The following PC variants were observed in gnomAD, a reference collection of about 807,000 sequenced individuals.
PC encodes pyruvate carboxylase, mitochondrial.
PC carries 46 observed loss-of-function variants against 107.8 expected under a neutral mutation model. The observed-to-expected ratio is 0.43, with a 90% confidence interval of 0.34 to 0.55. The LOEUF (loss-of-function observed/expected upper bound fraction) is 0.55, where lower values mean the gene tolerates loss of function less well. PC is among the 20% of genes least tolerant of loss of function. PC has a pLI of 0.04. For synonymous variants in PC, 662 were observed against 684.7 expected, an observed-to-expected ratio of 0.97 and a Z score of 0.52; for missense variants, 1,241 against 1,643.1, an observed-to-expected ratio of 0.76 and a Z score of 4.23.
rs746109611 is a variant in PC, at chr11:66,859,814, G to T, written c.1368+3960C>A. The T allele has an allele frequency of 6.9e-6, 11 of 1,584,984 alleles. No individual in the cohort carries two copies. In the East Asian group the frequency reaches 2.0e-4, roughly 29 times the overall value. ...CGGCCTCGCCCCTGTGCCACGCCCT[G>T]CAGGCCCACGTGCTGGGCGGGACCC... is the stretch of plus-strand genomic sequence containing the variant. On this transcript the variant is annotated intron_variant, in intron 12 of 22. Transcript: ENST00000393960.
intron 3 of PC, among the ~76,000 whole-genome samples, chr11:66,892,006 A>T (rs1947594553): frequency 6.6e-6 from 1 of 151,892 alleles, no homozygotes; most frequent in South Asian, 2.1e-4. Flanking sequence ...TTTCTTACTG[A>T]GCTGTAATAA....
At chr11:66,927,618 G>A (rs763949898) in intron 3 of PC, among the ~76,000 whole-genome samples, 18 of 151,878 alleles carry the variant, frequency 1.2e-4, no homozygotes, top group Non-Finnish European at 2.4e-4. Context: ...AGCTACTAGG[G>A]AGGCTGAGGT....
chr11:66,859,617 C>G (rs1183880074), intron 12 of PC: 6 of 1,612,360 alleles, frequency 3.7e-6, no homozygotes, highest in Non-Finnish European at 5.1e-6. Context: ...CGGGCTCTGA[C>G]CACCTGCCCT....
intron 3 of PC, among the ~76,000 whole-genome samples, chr11:66,937,776 TTTTG>T (rs1949034896): frequency 6.6e-6 from 1 of 150,514 alleles, no homozygotes; most frequent in Non-Finnish European, 1.5e-5. Flanking sequence ...TCTGGGTTTT[TTTTG>T]TTTTTTTTTT....
chr11:66,866,443 CCA>C lies in PC; in HGVS notation c.1023-96_1023-95del. The C allele has an allele frequency of 1.1e-6, 1 of 923,940 alleles. No individual in the cohort carries two copies. The highest frequency in any genetic ancestry group is 1.7e-6 in the Non-Finnish European group (1 of 594,792). The allele number at this position is 923,940 out of a possible 1,614,324, so 57.2% of individuals were successfully genotyped here. Reference sequence around the variant, plus strand: ...AGGGGCACCGCAGCCAGTGGGGCGTCCACACACAGTGCGACTCCTGCCCATAG... The same window carrying C: ...AGGGGCACCGCAGCCAGTGGGGCGTCCACACAGTGCGACTCCTGCCCATAG... On this transcript the variant is annotated intron_variant, in intron 10 of 22. Coordinates refer to ENST00000393960, the MANE Select transcript of PC (RefSeq NM_001040716.2). The surrounding 1 kb of genome is among the most constrained non-coding windows in gnomAD (Gnocchi z 5.4).
Position 66,863,625 on chromosome 11 carries a change from T to C in PC, c.1368+149A>G, listed in dbSNP as rs566120119. The C allele has an allele frequency of 1.9e-5, 16 of 839,206 alleles. No individual in the cohort carries two copies. In the South Asian group the frequency reaches 2.3e-4, roughly 12 times the overall value. 52.0% of individuals were successfully genotyped at this position (839,206 alleles called of 1,614,324 possible). ...AAACAGCTGGAGTCTGGCGTGCAGCTGCAGCCAAGGAGAGCCACTGACCTC... is the reference window on the plus strand; with the variant it reads ...AAACAGCTGGAGTCTGGCGTGCAGCCGCAGCCAAGGAGAGCCACTGACCTC... On this transcript the variant is annotated intron_variant, in intron 12 of 22. Coordinates refer to ENST00000393960, the MANE Select transcript of PC (RefSeq NM_001040716.2).
chr11:66,849,867 G>T lies in PC; in HGVS notation c.2899-8C>A. ...TGGCAGGTCCTTCAGTACCTGGGGA[G>T]CAAAGCAGAGGATCAGTCCCAAGTC... On this transcript the variant is annotated splice_region_variant and splice_polypyrimidine_tract_variant and intron_variant, in intron 20 of 22. Coordinates refer to ENST00000393960, the MANE Select transcript of PC (RefSeq NM_001040716.2). The T allele has an allele frequency of 1.2e-6, 2 of 1,613,650 alleles. No homozygotes were observed. Among genetic ancestry groups the T allele is most frequent in the Non-Finnish European group, 8.5e-7 (1 of 1,180,014 alleles).
chr11:66,902,308 A>G (rs1034238625), intron 3 of PC, among the ~76,000 whole-genome samples: 1 of 152,108 alleles, frequency 6.6e-6, no homozygotes, highest in Non-Finnish European at 1.5e-5. Flanking sequence ...GGCATCCACT[A>G]TTGCTGATTT....
intron 3 of PC, among the ~76,000 whole-genome samples, chr11:66,948,610 C>T (rs1036423985): frequency 2.0e-5 from 3 of 152,272 alleles, no homozygotes; most frequent in Admixed American, 6.5e-5. Flanking sequence ...GAGGCCAAGG[C>T]GGGCTGATTG....
chr11:66,889,209 G>A (rs943966269), intron 3 of PC, among the ~76,000 whole-genome samples: 1 of 152,072 alleles, frequency 6.6e-6, no homozygotes, highest in African/African-American at 2.4e-5. Flanking sequence ...CAGTAAAAGT[G>A]AGCTCAATCT....
chr11:66,870,219 C>A lies in PC; in HGVS notation c.903+83G>T. The A allele has an allele frequency of 6.4e-7, 1 of 1,560,680 alleles. No individual in the cohort carries two copies. The highest frequency in any genetic ancestry group is 8.8e-7 in the Non-Finnish European group (1 of 1,142,706). On this transcript the variant is annotated intron_variant, in intron 9 of 22. Transcript: ENST00000393960. The surrounding 1 kb of genome is among the most constrained non-coding windows in gnomAD (Gnocchi z 6.1). ...TCCCCAGAAGGGGACTCAGGGTCCC[C>A]TTCCCCAACCAGCGCCCCACTGTGA...
intron 3 of PC, among the ~76,000 whole-genome samples, chr11:66,901,836 G>C (rs570860368): frequency 3.3e-5 from 5 of 152,252 alleles, no homozygotes; most frequent in African/African-American, 1.2e-4. Flanking sequence ...TTCCACTGTC[G>C]CTTGGTGCCT....
At position 66,851,868 on chromosome 11, in the gene PC, G is replaced by C; in HGVS notation, c.1904C>G (p.Pro635Arg). 6.2e-7 allele frequency: 1 copy of C among 1,614,116 alleles called. No homozygotes were observed. Among genetic ancestry groups the C allele is most frequent in the Non-Finnish European group, 8.5e-7 (1 of 1,180,014 alleles). ...CAGCAGCATCTGGAAAGGGATGTTG[G>C]GGATGAGCTCCCGGAGCTCCTGCAG... ...RRLQELRELI[P>R]NIPFQMLLRG... The change falls in exon 16 of 23, where the codon CCC becomes CGC. Residue 635 changes from proline to arginine, a missense_variant. Pro to Arg is a moderately radical substitution (Grantham distance 103). Coordinates refer to ENST00000393960, the MANE Select transcript of PC (RefSeq NM_001040716.2).
At chr11:66,851,724 C>T in intron 16 of PC, 66 bp downstream of exon 16, 3 of 1,542,704 alleles carry the variant, frequency 1.9e-6, no homozygotes, top group East Asian at 2.2e-5. Context: ...CAGAGGCCAT[C>T]ACGACATGGC....
At chr11:66,943,438 G>C (rs914336236) in intron 3 of PC, among the ~76,000 whole-genome samples, 57 of 151,974 alleles carry the variant, frequency 3.8e-4, no homozygotes, top group African/African-American at 1.3e-3. Flanking sequence ...TTCCAAAACC[G>C]TTAAGAAATA....
intron 3 of PC, among the ~76,000 whole-genome samples, chr11:66,903,153 G>A (rs1312485878): frequency 2.0e-5 from 3 of 152,210 alleles, no homozygotes; most frequent in Admixed American, 6.5e-5. Context: ...GGGGACCTGC[G>A]GTGGTGAGTG....
chr11:66,940,199 CT>C (rs144463616), intron 3 of PC, among the ~76,000 whole-genome samples: 56,307 of 137,230 alleles, frequency 0.41, 10,270 homozygotes, highest in Middle Eastern at 0.46. Flanking sequence ...GTTCCCAAAA[CT>C]TTTTTTTTTT....
Position 66,870,915 on chromosome 11 carries a change from G to T in PC, c.634-23C>A. Reference sequence around the variant, plus strand: ...CTCCTGCGAGGGCGGGCAGGGGCCAGCCAGACCTCAGACCCCACAGCGCTA... The same window carrying T: ...CTCCTGCGAGGGCGGGCAGGGGCCATCCAGACCTCAGACCCCACAGCGCTA... On this transcript the variant is annotated intron_variant, in intron 7 of 22. Transcript: ENST00000393960. This position sits in a 1 kb window ranked among gnomAD's most constrained non-coding sequence, Gnocchi z 6.1. 6.2e-7 allele frequency: 1 copy of T among 1,608,636 alleles called. No individual in the cohort carries two copies.
intron 12 of PC, chr11:66,860,706 C>T (rs1416610657): frequency 1.6e-5 from 11 of 700,696 alleles, no homozygotes; most frequent in South Asian, 3.0e-5. Flanking sequence ...GGCCTACCCT[C>T]GCCTGTAAGT....
Sources: gnomAD v4.1 joint callset for allele counts (sites outside exome capture counted in the v4.1 genomes callset) on GRCh38, gnomAD v4.1.1 for gene constraint, Gnocchi (gnomAD v3.1) non-coding constraint, MANE v1.5 for transcripts, NCBI Gene and HGNC (gene_info 2026-07-23, HGNC 2026-07-21) for gene names.